Variants in SEL1L3 observed in about 807,000 individuals in gnomAD.
The protein encoded by SEL1L3 is protein sel-1 homolog 3.
Under a neutral mutation model 142.8 loss-of-function variants are expected in SEL1L3, and 76 were observed. That is an observed-to-expected ratio of 0.53 (90% CI 0.44 to 0.64). SEL1L3 has a LOEUF of 0.64. SEL1L3 is among the 30% of genes least tolerant of loss of function. SEL1L3 has a pLI of 0.00. For synonymous variants in SEL1L3, 504 were observed against 519.6 expected (o/e 0.97, Z 0.41); for missense variants, 1,262 against 1,381.7 (o/e 0.91, Z 1.37).
chr4:25,774,524 G>A (rs1018311788), intron 17 of SEL1L3, among the ~76,000 whole-genome samples: 2 of 152,126 alleles, frequency 1.3e-5, no homozygotes, highest in African/African-American at 2.4e-5. Flanking sequence ...CTAGGCCTTC[G>A]CAGCAGCTTT....
chr4:25,802,133 A>G (rs1221651636), intron 11 of SEL1L3, 150 bp downstream of exon 11: 5 of 631,362 alleles, frequency 7.9e-6, no homozygotes, highest in Non-Finnish European at 1.4e-5. Flanking sequence ...GCCAGGTAAT[A>G]GGAAATGGAG....
intron 11 of SEL1L3, among the ~76,000 whole-genome samples, chr4:25,798,998 C>G (rs1479548804): frequency 6.6e-6 from 1 of 152,116 alleles, no homozygotes; most frequent in Non-Finnish European, 1.5e-5. Context: ...CTGAGACCCC[C>G]CTCCTTGGCT....
At chr4:25,775,237 A>T (rs1719533759) in intron 17 of SEL1L3, among the ~76,000 whole-genome samples, 1 of 152,234 alleles carries the variant, frequency 6.6e-6, no homozygotes, top group South Asian at 2.1e-4. Flanking sequence ...GGCCACAGGT[A>T]ATAAACTTTC....
Position 25,821,982 on chromosome 4 carries a change from T to A in SEL1L3, c.1290+14A>T, listed in dbSNP as rs1451691680. The A allele has an allele frequency of 1.9e-6, 3 of 1,611,620 alleles. No individual in the cohort carries two copies. On this transcript the variant is annotated intron_variant, in intron 7 of 23. Transcript: ENST00000399878. ...CCCAGGAGTACCGCAATCTTCCTGA[T>A]CCCCTGGACTCACCTGGGCGGGGTG...
At chr4:25,748,640 T>A (rs1189303636) in intron 23 of SEL1L3, 76 bp from the exon 24 acceptor site, 13 of 1,479,254 alleles carry the variant, frequency 8.8e-6, no homozygotes, top group Admixed American at 2.1e-5. Context: ...ACCTAGAGAC[T>A]CTGGCAAGCC....
In SEL1L3 at chr4:25,836,246, A is replaced by G. The variant is rs568711788; in HGVS notation, c.734-923T>C. ...AAGGGAGAACTGAGTTATTTCATCT[A>G]TACTTAATACCTAACACTTTCAACA... is the stretch of plus-strand genomic sequence containing the variant. On this transcript the variant is annotated intron_variant, in intron 2 of 23. Coordinates refer to ENST00000399878, the MANE Select transcript of SEL1L3 (RefSeq NM_015187.5). Among the ~76,000 whole-genome samples the G allele has an allele frequency of 6.6e-5, 10 of 152,344 alleles. 1 individual carries two copies. The highest frequency in any genetic ancestry group is 3.4e-3 in the Middle Eastern group (1 of 294).
chr4:25,779,229 G>T, intron 15 of SEL1L3, 26 bp from the exon 16 acceptor site: 9 of 1,610,012 alleles, frequency 5.6e-6, no homozygotes, highest in Non-Finnish European at 7.6e-6. Flanking sequence ...AACAAACATC[G>T]AGTCATCCTA....
At chr4:25,717,227 C>A in the SEL1L3 span, among the ~76,000 whole-genome samples, 1 of 152,154 alleles carries the variant, frequency 6.6e-6, no homozygotes, top group Non-Finnish European at 1.5e-5. Flanking sequence ...CCATTAAATT[C>A]AAGTCATGGT....
Position 25,847,358 on chromosome 4 carries a change from C to T in SEL1L3, c.669G>A (p.Glu223=), listed in dbSNP as rs758850413. The change falls in exon 2 of 24, where the codon GAG becomes GAA. Residue 223 remains glutamate, a synonymous_variant. Coordinates refer to ENST00000399878, the MANE Select transcript of SEL1L3 (RefSeq NM_015187.5). ...RPFKDHQVCL[E]WNMGYIWNLR... is the part of the protein sequence containing the mutation. ...GGTTCCAAATATAACCCATGTTCCACTCAAGGCACACTTGATGATCTTTGA... is the reference window on the plus strand; with the variant it reads ...GGTTCCAAATATAACCCATGTTCCATTCAAGGCACACTTGATGATCTTTGA... 1 of 1,613,990 alleles carries T rather than the reference C, an allele frequency of 6.2e-7. No homozygotes were observed. Among genetic ancestry groups the T allele is most frequent in the East Asian group, 2.2e-5 (1 of 44,884 alleles).
chr4:25,832,921 C>T, intron 5 of SEL1L3, 74 bp downstream of exon 5: 1 of 913,460 alleles, frequency 1.1e-6, no homozygotes, highest in Admixed American at 2.0e-5. Context: ...TTTGTTGCTC[C>T]CCGGCTTTAT....
chr4:25,862,732 G>T lies in SEL1L3; in HGVS notation c.105C>A (p.Gly35=). The change falls in exon 1 of 24, where the codon GGC becomes GGA. Residue 35 remains glycine (G), a synonymous_variant. Transcript: ENST00000399878. ...AGCGGCCGCCGAGGCCCTGGGGGAC[G>T]CCGCCACTCGGGACCATGGCTGCGG... is the stretch of plus-strand genomic sequence containing the variant. ...PRAAAMVPSG[G]VPQGLGGRSA... The T allele has an allele frequency of 7.9e-7, 1 of 1,273,028 alleles. No individual in the cohort carries two copies. The highest frequency in any genetic ancestry group is 2.6e-5 in the South Asian group (1 of 39,200). The allele number at this position is 1,273,028 out of a possible 1,614,324, so 78.9% of individuals were successfully genotyped here.
chr4:25,858,296 T>C (rs1717401514), intron 1 of SEL1L3, among the ~76,000 whole-genome samples: 1 of 152,224 alleles, frequency 6.6e-6, no homozygotes, highest in African/African-American at 2.4e-5. Context: ...TATTGGTTGA[T>C]GTGAGGTTTG....
chr4:25,844,952 A>G (rs879656265), intron 2 of SEL1L3, among the ~76,000 whole-genome samples: 1 of 151,996 alleles, frequency 6.6e-6, no homozygotes, highest in Non-Finnish European at 1.5e-5. Context: ...TCTTCTAGAC[A>G]TCTTTTCATT....
the SEL1L3 span, among the ~76,000 whole-genome samples, chr4:25,716,023 G>A: frequency 6.6e-6 from 1 of 152,080 alleles, no homozygotes; most frequent in South Asian, 2.1e-4. Flanking sequence ...AAAAGAAAGA[G>A]CAATATATTA....
chr4:25,756,793 A>G, intron 23 of SEL1L3: 1 of 1,217,348 alleles, frequency 8.2e-7, no homozygotes, highest in South Asian at 1.5e-5. Context: ...ATTTTTATTC[A>G]TTACGAGTGT....
the SEL1L3 span, chr4:25,719,918 G>T: frequency 6.6e-6 from 1 of 152,206 alleles, no homozygotes; most frequent in Admixed American, 6.5e-5. Context: ...GATAAATATT[G>T]ATAGTATTAT....
intron 14 of SEL1L3, 62 bp downstream of exon 14, chr4:25,784,166 G>A (rs895811349): frequency 3.2e-5 from 43 of 1,335,516 alleles, no homozygotes; most frequent in Admixed American, 5.1e-5. Context: ...TCTTTTAGAC[G>A]TGCGAGAGCG....
At chr4:25,781,591 T>C (rs1720005912) in intron 15 of SEL1L3, among the ~76,000 whole-genome samples, 1 of 152,206 alleles carries the variant, frequency 6.6e-6, no homozygotes, top group African/African-American at 2.4e-5. Flanking sequence ...AACATTATTA[T>C]TAATAGAGTG....
chr4:25,733,778 G>A, the SEL1L3 span, among the ~76,000 whole-genome samples: 1 of 152,044 alleles, frequency 6.6e-6, no homozygotes, highest in Non-Finnish European at 1.5e-5. Flanking sequence ...GCCTCCCAAA[G>A]TTCTGGGATT....
Sources: allele counts gnomAD v4.1 joint callset (sites outside exome capture counted in the v4.1 genomes callset), GRCh38; gene constraint gnomAD v4.1.1; transcripts MANE v1.5; gene names NCBI Gene and HGNC (gene_info 2026-07-23, HGNC 2026-07-21).